Variants in TMCC1 observed in about 807,000 individuals in gnomAD.
The protein encoded by TMCC1 is transmembrane and coiled-coil domains protein 1.
Under a neutral mutation model 52.4 loss-of-function variants are expected in TMCC1, and 15 were observed. The observed-to-expected ratio is 0.29, with a 90% CI of 0.19 to 0.44. TMCC1 has a LOEUF of 0.44. Among genes scored for constraint, TMCC1 ranks in the 20% least tolerant of loss-of-function variants. TMCC1 has a pLI of 1.00. For synonymous variants in TMCC1, 279 were observed against 301.9 expected, an observed-to-expected ratio of 0.92 and a Z score of 0.79; for missense variants, 503 against 806.0, an observed-to-expected ratio of 0.62 and a Z score of 4.55.
At chr3:129,687,326 A>G (rs1396119670) in intron 4 of TMCC1, among the ~76,000 whole-genome samples, 1 of 152,234 alleles carries the variant, frequency 6.6e-6, no homozygotes, top group Non-Finnish European at 1.5e-5. Flanking sequence ...ATAAGATCCA[A>G]CTTAAAGCAA....
intron 4 of TMCC1, among the ~76,000 whole-genome samples, chr3:129,708,201 G>C (rs1404625102): frequency 1.3e-5 from 2 of 152,056 alleles, no homozygotes; most frequent in Admixed American, 6.6e-5. Context: ...CAACTATTAG[G>C]AGCTTTGTTT....
chr3:129,682,063 T>G (rs2089037997), intron 4 of TMCC1, among the ~76,000 whole-genome samples: 1 of 152,128 alleles, frequency 6.6e-6, no homozygotes, highest in Admixed American at 6.5e-5. Context: ...AATTTTTAAC[T>G]GAAAACTTAA....
At chr3:129,833,566 T>C (rs760431017) in intron 2 of TMCC1, among the ~76,000 whole-genome samples, 2 of 151,946 alleles carry the variant, frequency 1.3e-5, no homozygotes, top group Non-Finnish European at 2.9e-5. Flanking sequence ...CGAGACCCTG[T>C]CTCAATTTTA....
chr3:129,831,781 C>A (rs1031639637), intron 3 of TMCC1, among the ~76,000 whole-genome samples: 7 of 152,188 alleles, frequency 4.6e-5, no homozygotes, highest in Non-Finnish European at 8.8e-5. Context: ...GGACACCCTT[C>A]TTTTCTTCTG....
At chr3:129,681,260 A>C (rs904947949) in intron 4 of TMCC1, among the ~76,000 whole-genome samples, 6 of 152,178 alleles carry the variant, frequency 3.9e-5, no homozygotes, top group African/African-American at 1.4e-4. Flanking sequence ...GAATTCTGAC[A>C]GACTTATAAA....
chr3:129,885,803 C>T (rs1399760787), intron 1 of TMCC1, among the ~76,000 whole-genome samples: 3 of 151,380 alleles, frequency 2.0e-5, no homozygotes, highest in East Asian at 2.0e-4. Context: ...AGTGCAGTGG[C>T]GCAATCTCGG....
At chr3:129,671,474 G>T (rs1272710740) in intron 4 of TMCC1, among the ~76,000 whole-genome samples, 1 of 152,120 alleles carries the variant, frequency 6.6e-6, no homozygotes, top group East Asian at 1.9e-4. Context: ...TATGAAAAAA[G>T]ATCTGCACAA....
Position 129,828,523 on chromosome 3 carries a change from A to G in TMCC1, c.-130-15T>C, listed in dbSNP as rs2058756515. Reference sequence around the variant, plus strand: ...TTCATGCCTATCTAATGTTAAAAACAAAAAAACAAAAAAACAAAAAAAAAA... The same window carrying G: ...TTCATGCCTATCTAATGTTAAAAACGAAAAAACAAAAAAACAAAAAAAAAA... On this transcript the variant is annotated splice_polypyrimidine_tract_variant and intron_variant, in intron 3 of 6. Transcript: ENST00000393238. This position sits in a 1 kb window ranked among gnomAD's most constrained non-coding sequence, Gnocchi z 4.1. The G allele has an allele frequency of 1.6e-6, 1 of 625,398 alleles. No homozygotes were observed. The highest frequency in any genetic ancestry group is 3.3e-5 in the Admixed American group (1 of 29,896). The allele number at this position is 625,398 out of a possible 1,614,324, so 38.7% of individuals were successfully genotyped here.
chr3:129,710,915 A>C (rs1488711651), intron 4 of TMCC1, among the ~76,000 whole-genome samples: 2 of 152,212 alleles, frequency 1.3e-5, no homozygotes, highest in Non-Finnish European at 2.9e-5. Context: ...CCCAGGCTGG[A>C]GTGCAGTGGC....
At chr3:129,854,961 G>C (rs2060085970) in intron 2 of TMCC1, among the ~76,000 whole-genome samples, 1 of 152,164 alleles carries the variant, frequency 6.6e-6, no homozygotes, top group African/African-American at 2.4e-5. Flanking sequence ...AAAATGTGTT[G>C]CATGAATGAA....
intron 4 of TMCC1, among the ~76,000 whole-genome samples, chr3:129,760,454 CTGTGTGTGTGTGTGTGTGTGTGTGTG>C (rs61394124): frequency 9.3e-5 from 12 of 128,978 alleles, no homozygotes; most frequent in African/African-American, 3.5e-4. Context: ...CAGTCTCGCT[CTGTGTGTGTGTGTGTGTGTGTGTGTG>C]TGTGTGTGTG....
chr3:129,680,242 G>A (rs2088852704), intron 4 of TMCC1, among the ~76,000 whole-genome samples: 1 of 152,170 alleles, frequency 6.6e-6, no homozygotes, highest in Non-Finnish European at 1.5e-5. Flanking sequence ...GACTACGAAA[G>A]TGGAAGACTC....
intron 2 of TMCC1, among the ~76,000 whole-genome samples, chr3:129,835,618 C>T (rs1245821304): frequency 6.6e-6 from 1 of 152,108 alleles, no homozygotes; most frequent in Non-Finnish European, 1.5e-5. Flanking sequence ...GTAAAAGCGG[C>T]AAGCAATCTG....
chr3:129,662,949 A>ATT (rs1228932975), intron 5 of TMCC1, among the ~76,000 whole-genome samples: 28 of 152,346 alleles, frequency 1.8e-4, no homozygotes, highest in African/African-American at 5.1e-4. Flanking sequence ...CAAGTATCAT[A>ATT]TTTTGGTAGA....
At chr3:129,723,788 C>G (rs2049847903) in intron 4 of TMCC1, among the ~76,000 whole-genome samples, 1 of 152,166 alleles carries the variant, frequency 6.6e-6, no homozygotes, top group East Asian at 1.9e-4. Flanking sequence ...GCAAATGCCC[C>G]TGGCTGAGAT....
intron 4 of TMCC1, among the ~76,000 whole-genome samples, chr3:129,738,754 T>A (rs991241529): frequency 1.3e-5 from 2 of 152,236 alleles, no homozygotes; most frequent in Non-Finnish European, 2.9e-5. Context: ...AGAATTTATC[T>A]CCACTTAACT....
chr3:129,681,044 C>T (rs1450220876), intron 4 of TMCC1, among the ~76,000 whole-genome samples: 10 of 151,964 alleles, frequency 6.6e-5, no homozygotes, highest in South Asian at 2.1e-4. Context: ...GGTAGTGATA[C>T]GGCACTGTTC....
intron 4 of TMCC1, among the ~76,000 whole-genome samples, chr3:129,759,583 G>A (rs1439726181): frequency 2.9e-5 from 3 of 104,946 alleles, no homozygotes; most frequent in African/African-American, 8.1e-5. Context: ...CCATTTTTGA[G>A]AGTTTTTTTT....
At chr3:129,694,439 G>A (rs1047342462) in intron 4 of TMCC1, among the ~76,000 whole-genome samples, 1 of 152,200 alleles carries the variant, frequency 6.6e-6, no homozygotes, top group African/African-American at 2.4e-5. Flanking sequence ...GCGTGCCTAT[G>A]GGCTAGGTAA....
Sources: allele counts gnomAD v4.1 joint callset (sites outside exome capture counted in the v4.1 genomes callset), GRCh38; gene constraint gnomAD v4.1.1; non-coding constraint Gnocchi (gnomAD v3.1); transcripts MANE v1.5; gene names NCBI Gene and HGNC (gene_info 2026-07-23, HGNC 2026-07-21).